Variants in SLC44A5 observed in about 807,000 individuals in gnomAD.
SLC44A5 encodes solute carrier family 44 member 5.
Under a neutral mutation model 101.8 loss-of-function variants are expected in SLC44A5, and 57 were observed. The ratio of observed to expected loss-of-function variants is 0.56; its 90% CI spans 0.45 to 0.70. The LOEUF (loss-of-function observed/expected upper bound fraction) is 0.70. SLC44A5 is among the 30% of genes least tolerant of loss of function. The pLI, the probability that SLC44A5 is intolerant of heterozygous loss-of-function variation, is 0.00. For missense variants in SLC44A5, 737 were observed against 853.1 expected, an observed-to-expected ratio of 0.86 and a Z score of 1.70; for synonymous variants, 281 against 290.9, an observed-to-expected ratio of 0.97 and a Z score of 0.35.
rs1437448054 is a variant in SLC44A5 at position 75,203,245 on chromosome 1, A to G, written c.*482T>C. ...AACATTCTATACTTAAAGAGAGCAA[A>G]CTCTCAACTGGGGCAGTCCTTTCAC... is the stretch of plus-strand genomic sequence containing the variant. On this transcript the variant is annotated 3_prime_UTR_variant, in exon 24 of 24. Transcript: ENST00000370859. 6.6e-6 allele frequency: 1 copy of G among 152,224 alleles called. No homozygotes were observed. Among genetic ancestry groups the G allele is most frequent in the East Asian group, 1.9e-4 (1 of 5,194 alleles). 9.4% of individuals were successfully genotyped at this position (152,224 alleles called of 1,614,324 possible). A position where few individuals can be genotyped will look rare whatever the true frequency, so the allele number is the denominator to read the frequency against.
intron 13 of SLC44A5, among the ~76,000 whole-genome samples, chr1:75,225,301 G>A (rs1028552855): frequency 6.6e-6 from 1 of 152,154 alleles, no homozygotes; most frequent in Admixed American, 6.5e-5. Context: ...TAGCCTAAGA[G>A]TGTAGTAGGC....
At chr1:75,692,280 A>G in the SLC44A5 span, among the ~76,000 whole-genome samples, 13 of 132,314 alleles carry the variant, frequency 9.8e-5, no homozygotes, top group African/African-American at 3.9e-4. Flanking sequence ...TGCAACCTCC[A>G]CCTCCTGGGC....
chr1:75,378,771 G>C (rs371272543), intron 3 of SLC44A5, among the ~76,000 whole-genome samples: 229 of 66,960 alleles, frequency 3.4e-3, no homozygotes, highest in South Asian at 0.01. Context: ...GTGCCCGTAA[G>C]ATTACAACCT....
the SLC44A5 span, among the ~76,000 whole-genome samples, chr1:75,617,506 T>C: frequency 6.6e-6 from 1 of 152,232 alleles, no homozygotes; most frequent in Non-Finnish European, 1.5e-5. Context: ...TTCTTCCAGC[T>C]CCTGAGATAT....
chr1:75,431,805 T>A (rs1664630228), intron 2 of SLC44A5, among the ~76,000 whole-genome samples: 1 of 152,192 alleles, frequency 6.6e-6, no homozygotes, highest in South Asian at 2.1e-4. Flanking sequence ...AATAGGTCAG[T>A]CCTTTAGATG....
At chr1:75,406,708 A>T (rs927363976) in intron 2 of SLC44A5, among the ~76,000 whole-genome samples, 1 of 152,154 alleles carries the variant, frequency 6.6e-6, no homozygotes, top group Non-Finnish European at 1.5e-5. Flanking sequence ...GATGGAACGT[A>T]TCTCAAAATA....
chr1:75,242,832 A>C, intron 8 of SLC44A5, 54 bp downstream of exon 8: 1 of 1,525,114 alleles, frequency 6.6e-7, no homozygotes, highest in Non-Finnish European at 8.8e-7. Flanking sequence ...GTTACACTTG[A>C]GATTGAAAAA....
chr1:75,591,192 G>A (rs1009442000), intron 1 of SLC44A5, among the ~76,000 whole-genome samples: 5 of 152,218 alleles, frequency 3.3e-5, no homozygotes, highest in African/African-American at 1.2e-4. Flanking sequence ...CTATGAGTCT[G>A]CAAGAACCAC....
At chr1:75,266,225 T>C (rs542253788) in intron 6 of SLC44A5, among the ~76,000 whole-genome samples, 1 of 152,070 alleles carries the variant, frequency 6.6e-6, no homozygotes, top group Non-Finnish European at 1.5e-5. Flanking sequence ...ATCATGACAA[T>C]TGTTAAAGTC....
intron 1 of SLC44A5, among the ~76,000 whole-genome samples, chr1:75,550,434 G>T (rs935377368): frequency 6.6e-6 from 1 of 152,040 alleles, no homozygotes; most frequent in African/African-American, 2.4e-5. Flanking sequence ...GGTTTCTTTT[G>T]GGGGTGAGGA....
chr1:75,422,791 G>C (rs972897066), intron 2 of SLC44A5, among the ~76,000 whole-genome samples: 1 of 152,132 alleles, frequency 6.6e-6, no homozygotes, highest in African/African-American at 2.4e-5. Flanking sequence ...TTTCCAGGAG[G>C]ACCAATGGTT....
chr1:75,375,266 G>A (rs564619762), intron 3 of SLC44A5, among the ~76,000 whole-genome samples: 1 of 152,294 alleles, frequency 6.6e-6, no homozygotes, highest in Non-Finnish European at 1.5e-5. Flanking sequence ...TTCAGAGCTT[G>A]AAGATCAGTC....
At chr1:75,260,936 T>C (rs764746192) in intron 6 of SLC44A5, among the ~76,000 whole-genome samples, 3 of 151,916 alleles carry the variant, frequency 2.0e-5, no homozygotes, top group Non-Finnish European at 4.4e-5. Flanking sequence ...TGGGTAAATA[T>C]TGAAATGAAG....
At chr1:75,624,630 G>A in the SLC44A5 span, among the ~76,000 whole-genome samples, 4 of 152,116 alleles carry the variant, frequency 2.6e-5, no homozygotes, top group African/African-American at 9.7e-5. Flanking sequence ...AAAGTCCTCT[G>A]AAACAACCAC....
At chr1:75,695,064 A>G in the SLC44A5 span, among the ~76,000 whole-genome samples, 2 of 152,198 alleles carry the variant, frequency 1.3e-5, no homozygotes, top group Non-Finnish European at 2.9e-5. Context: ...CAAGGGTAAA[A>G]AAGGCAATTG....
At chr1:75,210,275 G>T (rs990330449) in intron 23 of SLC44A5, among the ~76,000 whole-genome samples, 4 of 151,782 alleles carry the variant, frequency 2.6e-5, no homozygotes, top group Non-Finnish European at 4.4e-5. Context: ...TGCCCAGGCT[G>T]GTCTCAAGCT....
intron 5 of SLC44A5, among the ~76,000 whole-genome samples, chr1:75,292,082 C>T (rs999890839): frequency 2.0e-5 from 3 of 151,470 alleles, no homozygotes; most frequent in Non-Finnish European, 2.9e-5. Flanking sequence ...GAGTTAGCAT[C>T]TTAGGATTTT....
chr1:75,568,978 C>A (rs1672925977), intron 1 of SLC44A5, among the ~76,000 whole-genome samples: 1 of 152,164 alleles, frequency 6.6e-6, no homozygotes, highest in Admixed American at 6.5e-5. Context: ...TGTACTTACA[C>A]TTGCTTCACA....
the SLC44A5 span, among the ~76,000 whole-genome samples, chr1:75,680,595 G>A: frequency 1.3e-5 from 2 of 151,156 alleles, no homozygotes; most frequent in Admixed American, 1.3e-4. Context: ...CAGAATCTCT[G>A]GGACGCATTC....
Sources: allele counts gnomAD v4.1 joint callset (sites outside exome capture counted in the v4.1 genomes callset), GRCh38; gene constraint gnomAD v4.1.1; transcripts MANE v1.5; gene names NCBI Gene and HGNC (gene_info 2026-07-23, HGNC 2026-07-21).